Variants in GRIK1 observed in about 807,000 individuals in gnomAD.
GRIK1 encodes the protein glutamate receptor ionotropic, kainate 1.
Under a neutral mutation model 105.7 loss-of-function variants are expected in GRIK1, and 69 were observed. The ratio of observed to expected loss-of-function variants is 0.65; its 90% CI spans 0.54 to 0.80. GRIK1 has a LOEUF of 0.80. Among genes scored for constraint, GRIK1 ranks in the 30% least tolerant of loss-of-function variants. GRIK1 has a pLI of 0.00. For missense variants in GRIK1, 1,109 were observed against 1,167.3 expected (o/e 0.95, Z 0.73); for synonymous variants, 438 against 431.3 (o/e 1.02, Z -0.19).
chr21:29,651,052 C>G, intron 6 of GRIK1, 66 bp downstream of exon 6: 2 of 1,166,036 alleles, frequency 1.7e-6, no homozygotes, highest in South Asian at 1.5e-5. Context: ...TTTAAAGATA[C>G]GTGAGATCTT....
chr21:29,674,137 T>C (rs3026004), intron 3 of GRIK1, among the ~76,000 whole-genome samples: 1,603 of 151,906 alleles, frequency 0.011, 17 homozygotes, highest in Admixed American at 0.019. Context: ...AGGTAATCAG[T>C]AGGGAATATT....
intron 1 of GRIK1, among the ~76,000 whole-genome samples, chr21:29,932,851 C>T (rs1403782241): frequency 6.6e-6 from 1 of 150,664 alleles, no homozygotes; most frequent in Non-Finnish European, 1.5e-5. Flanking sequence ...AATTACATTC[C>T]TGGAAAAGAT....
At chr21:29,806,446 G>A (rs571977309) in intron 1 of GRIK1, among the ~76,000 whole-genome samples, 7 of 151,932 alleles carry the variant, frequency 4.6e-5, no homozygotes, top group African/African-American at 1.7e-4. Context: ...AGATTAGCAG[G>A]TTTATGATAA....
intron 14 of GRIK1, among the ~76,000 whole-genome samples, chr21:29,565,247 C>G (rs2090585746): frequency 6.6e-6 from 1 of 152,200 alleles, no homozygotes; most frequent in South Asian, 2.1e-4. Context: ...TTAGAGCTCT[C>G]TTTCGTCGTT....
intron 1 of GRIK1, among the ~76,000 whole-genome samples, chr21:29,768,676 C>T (rs1051060821): frequency 6.6e-6 from 1 of 152,152 alleles, no homozygotes; most frequent in African/African-American, 2.4e-5. Context: ...TGCTGCAGAT[C>T]GGAGGAGCCC....
intron 1 of GRIK1, among the ~76,000 whole-genome samples, chr21:29,794,852 C>T (rs1247044042): frequency 6.6e-6 from 1 of 151,972 alleles, no homozygotes; most frequent in Non-Finnish European, 1.5e-5. Flanking sequence ...GCTTCCTCTT[C>T]ATTCACTCCA....
intron 16 of GRIK1, among the ~76,000 whole-genome samples, chr21:29,539,313 G>C (rs1270342361): frequency 1.3e-5 from 2 of 152,112 alleles, no homozygotes; most frequent in Non-Finnish European, 2.9e-5. Flanking sequence ...GTTTAGCCTA[G>C]CTTACCTTAT....
intron 1 of GRIK1, 48 bp from the exon 2 acceptor site, chr21:29,694,111 C>G (rs1361460205): frequency 1.6e-6 from 1 of 607,864 alleles, no homozygotes; most frequent in Admixed American, 2.8e-5. Flanking sequence ...ACATGGTTCA[C>G]ATGTAATTTT....
At chr21:29,828,648 C>A (rs1333608875) in intron 1 of GRIK1, among the ~76,000 whole-genome samples, 1 of 151,980 alleles carries the variant, frequency 6.6e-6, no homozygotes, top group East Asian at 1.9e-4. Context: ...ACTGTAGCTG[C>A]ACACTACCAC....
At chr21:29,752,827 G>A (rs566992903) in intron 1 of GRIK1, among the ~76,000 whole-genome samples, 13 of 152,236 alleles carry the variant, frequency 8.5e-5, no homozygotes, top group African/African-American at 3.1e-4. Flanking sequence ...GACAGAGTGA[G>A]GCCCTGCCTC....
intron 4 of GRIK1, among the ~76,000 whole-genome samples, chr21:29,668,588 G>A (rs2063103415): frequency 6.6e-6 from 1 of 152,170 alleles, no homozygotes. Flanking sequence ...TCAGTATATG[G>A]TAGATAAAAT....
At chr21:29,734,476 A>G (rs1193939958) in intron 1 of GRIK1, among the ~76,000 whole-genome samples, 1 of 151,044 alleles carries the variant, frequency 6.6e-6, no homozygotes, top group East Asian at 1.9e-4. Flanking sequence ...TGGCACAATC[A>G]CAGCTCACTG....
chr21:29,878,541 G>A (rs963225077), intron 1 of GRIK1, among the ~76,000 whole-genome samples: 6 of 152,062 alleles, frequency 3.9e-5, no homozygotes, highest in Non-Finnish European at 5.9e-5. Flanking sequence ...GAAGCAACAG[G>A]ATTTAGCCAC....
chr21:29,716,597 C>G (rs1018349727), intron 1 of GRIK1, among the ~76,000 whole-genome samples: 3 of 152,150 alleles, frequency 2.0e-5, no homozygotes, highest in African/African-American at 7.2e-5. Flanking sequence ...TTGCTATACT[C>G]TAGCAAAGAG....
intron 7 of GRIK1, among the ~76,000 whole-genome samples, chr21:29,642,474 C>T (rs2062531263): frequency 6.6e-6 from 1 of 152,206 alleles, no homozygotes; most frequent in Admixed American, 6.5e-5. Flanking sequence ...CTCTGGTACC[C>T]TTCAGTAATG....
chr21:29,880,088 A>G (rs1404140427), intron 1 of GRIK1, among the ~76,000 whole-genome samples: 1 of 152,068 alleles, frequency 6.6e-6, no homozygotes, highest in Non-Finnish European at 1.5e-5. Context: ...AAAATAAATT[A>G]CTCACGCTTC....
intron 6 of GRIK1, among the ~76,000 whole-genome samples, chr21:29,647,596 T>C (rs911763893): frequency 3.3e-5 from 5 of 152,312 alleles, no homozygotes; most frequent in Middle Eastern, 3.4e-3. Context: ...CAATGTTTGG[T>C]TGTTCCCCTG....
At chr21:29,601,754 T>G (rs565665137) in intron 7 of GRIK1, among the ~76,000 whole-genome samples, 1 of 152,356 alleles carries the variant, frequency 6.6e-6, no homozygotes, top group South Asian at 2.1e-4. Flanking sequence ...TTTGTACTTA[T>G]TACCACTTAC....
At chr21:29,639,302 C>T (rs976929080) in intron 7 of GRIK1, among the ~76,000 whole-genome samples, 6 of 152,154 alleles carry the variant, frequency 3.9e-5, no homozygotes, top group Non-Finnish European at 5.9e-5. Flanking sequence ...CAGCATTGTG[C>T]AAGAACTAGG....
Sources: gnomAD v4.1 joint callset for allele counts (sites outside exome capture counted in the v4.1 genomes callset) on GRCh38, gnomAD v4.1.1 for gene constraint, MANE v1.5 for transcripts, NCBI Gene and HGNC (gene_info 2026-07-23, HGNC 2026-07-21) for gene names.